The following LRRC37A2 variants were observed in gnomAD, a reference collection of about 807,000 sequenced individuals.
LRRC37A2 encodes leucine-rich repeat-containing protein 37A2.
In LRRC37A2, 9 loss-of-function variants were observed where a neutral mutation model predicts 68.8. The ratio of observed to expected loss-of-function variants is 0.13; its 90% CI spans 0.08 to 0.23. The LOEUF is 0.23. Among genes scored for constraint, LRRC37A2 ranks in the 10% least tolerant of loss-of-function variants. LRRC37A2 has a pLI of 1.00. For missense variants in LRRC37A2, 168 were observed against 950.4 expected (o/e 0.18, Z 10.82); for synonymous variants, 63 against 367.6 (o/e 0.17, Z 9.48).
the LRRC37A2 span, chr17:46,721,829 T>A: frequency 6.3e-7 from 1 of 1,596,886 alleles, no homozygotes; most frequent in Admixed American, 1.7e-5. Flanking sequence ...ACACTTTTGC[T>A]TATTTTTTGT....
chr17:46,752,453 T>TC, the LRRC37A2 span, among the ~76,000 whole-genome samples: 309 of 152,038 alleles, frequency 2.0e-3, no homozygotes, highest in Non-Finnish European at 3.7e-3. Context: ...AGTAAACTTT[T>TC]ATTATTATTA....
the LRRC37A2 span, chr17:46,755,197 C>A: frequency 1.4e-6 from 1 of 726,786 alleles, no homozygotes; most frequent in South Asian, 1.6e-5. Context: ...GTAACACATT[C>A]AGTGACCTAG....
the LRRC37A2 span, among the ~76,000 whole-genome samples, chr17:46,997,748 T>G: frequency 6.6e-6 from 1 of 152,076 alleles, no homozygotes; most frequent in African/African-American, 2.4e-5. Context: ...GGCAGGTAGA[T>G]CATTTGAGGT....
the LRRC37A2 span, among the ~76,000 whole-genome samples, chr17:46,934,650 A>G: frequency 1.6e-4 from 24 of 152,376 alleles, no homozygotes; most frequent in African/African-American, 5.3e-4. Flanking sequence ...ATTAAGGGGA[A>G]GCCATGGAAA....
At chr17:46,971,178 CAT>C in the LRRC37A2 span, among the ~76,000 whole-genome samples, 2 of 151,960 alleles carry the variant, frequency 1.3e-5, no homozygotes, top group East Asian at 1.9e-4. Context: ...TCTCTACTAA[CAT>C]ATAAAAATGA....
the LRRC37A2 span, among the ~76,000 whole-genome samples, chr17:46,781,344 A>G: frequency 1.8e-4 from 27 of 152,158 alleles, no homozygotes; most frequent in African/African-American, 6.0e-4. Context: ...CAAATACTGT[A>G]TGATTTCACT....
At chr17:46,569,158 G>A in the LRRC37A2 span, among the ~76,000 whole-genome samples, 1 of 151,528 alleles carries the variant, frequency 6.6e-6, no homozygotes, top group African/African-American at 2.5e-5. Flanking sequence ...ATGTTGGCCA[G>A]GCTGGTCTCC....
chr17:46,548,311 G>A lies in LRRC37A2; in HGVS notation c.3173-1G>A. The A allele has an allele frequency of 8.9e-6, 4 of 449,298 alleles. No individual in the cohort carries two copies. The highest frequency in any genetic ancestry group is 3.7e-5 in the East Asian group (1 of 27,138). 27.8% of individuals were successfully genotyped at this position (449,298 alleles called of 1,614,324 possible). On this transcript the variant is annotated splice_acceptor_variant, in intron 9 of 14. Coordinates refer to ENST00000576629, the Ensembl canonical transcript of LRRC37A2. LOFTEE classifies it high-confidence loss of function. The stretch of plus-strand genomic sequence containing the variant: ...CAAAGCAGTCTCTTCTTTTTTGACA[G>A]CTGAAGAAGCATCGGTAGGGAATCC...
chr17:46,458,277 G>A, the LRRC37A2 span, among the ~76,000 whole-genome samples: 1 of 110,602 alleles, frequency 9.0e-6, no homozygotes, highest in Non-Finnish European at 2.1e-5. Flanking sequence ...AATTAGAGTC[G>A]TAAGATACGG....
the LRRC37A2 span, among the ~76,000 whole-genome samples, chr17:46,789,636 C>A: frequency 6.6e-6 from 1 of 152,208 alleles, no homozygotes; most frequent in Non-Finnish European, 1.5e-5. Context: ...CAAATGACAC[C>A]ATGGGGAAGC....
At chr17:46,872,513 C>G in the LRRC37A2 span, 1 of 1,535,590 alleles carries the variant, frequency 6.5e-7, no homozygotes, top group Non-Finnish European at 8.8e-7. Flanking sequence ...CTCGCTCTCT[C>G]TAGCCTGACC....
At chr17:46,758,525 A>AT in the LRRC37A2 span, among the ~76,000 whole-genome samples, 1 of 152,268 alleles carries the variant, frequency 6.6e-6, no homozygotes, top group African/African-American at 2.4e-5. Flanking sequence ...TTAACCGGCT[A>AT]TTTTTTTGTC....
chr17:47,023,937 G>C, the LRRC37A2 span, among the ~76,000 whole-genome samples: 1 of 152,160 alleles, frequency 6.6e-6, no homozygotes, highest in East Asian at 1.9e-4. Flanking sequence ...CAAAGGTCAG[G>C]ATAGTGGTTA....
the LRRC37A2 span, among the ~76,000 whole-genome samples, chr17:47,015,864 G>A: frequency 6.6e-6 from 1 of 152,022 alleles, no homozygotes; most frequent in South Asian, 2.1e-4. Flanking sequence ...GAGGAAGTCA[G>A]CACTCATTTC....
At chr17:46,728,957 G>A in the LRRC37A2 span, 1 of 1,390,484 alleles carries the variant, frequency 7.2e-7, no homozygotes, top group Non-Finnish European at 1.0e-6. Flanking sequence ...TACTAATAAG[G>A]AATATTTTAA....
the LRRC37A2 span, among the ~76,000 whole-genome samples, chr17:47,035,680 G>A: frequency 6.6e-6 from 1 of 152,232 alleles, no homozygotes; most frequent in Non-Finnish European, 1.5e-5. Flanking sequence ...TGCATCCCTA[G>A]CAGAATTGCT....
chr17:46,943,124 C>T, the LRRC37A2 span, among the ~76,000 whole-genome samples: 1 of 152,192 alleles, frequency 6.6e-6, no homozygotes, highest in Non-Finnish European at 1.5e-5. Context: ...GGCTCTAATA[C>T]AAGAACATCA....
the LRRC37A2 span, among the ~76,000 whole-genome samples, chr17:46,887,069 G>C: frequency 6.6e-6 from 1 of 152,018 alleles, no homozygotes; most frequent in African/African-American, 2.4e-5. Context: ...CACCTGCCTT[G>C]GCCTCCCAAA....
At chr17:46,843,075 T>G in the LRRC37A2 span, among the ~76,000 whole-genome samples, 2 of 152,242 alleles carry the variant, frequency 1.3e-5, no homozygotes, top group Non-Finnish European at 2.9e-5. Flanking sequence ...CAGGCCACAT[T>G]AGACACTGAA....
Sources: gnomAD v4.1 joint callset for allele counts (sites outside exome capture counted in the v4.1 genomes callset) on GRCh38, gnomAD v4.1.1 for gene constraint, MANE v1.5 for transcripts, NCBI Gene and HGNC (gene_info 2026-07-23, HGNC 2026-07-21) for gene names.